The following KIAA1671 variants were observed in gnomAD, a reference collection of about 807,000 sequenced individuals.
KIAA1671 encodes the protein KIAA1671.
Under a neutral mutation model 131.2 loss-of-function variants are expected in KIAA1671, and 52 were observed. The ratio of observed to expected loss-of-function variants is 0.40; its 90% CI spans 0.32 to 0.50. KIAA1671 has a LOEUF of 0.50. Ranked by LOEUF, KIAA1671 falls within the 20% of genes least tolerant of loss-of-function variation. The pLI is 0.73. For missense variants in KIAA1671, 2,360 were observed against 2,364.2 expected, an observed-to-expected ratio of 1.00 and a Z score of 0.04; for synonymous variants, 1,003 against 961.6, an observed-to-expected ratio of 1.04 and a Z score of -0.80.
At chr22:24,992,422 T>C (rs1413268891) in intron 1 of KIAA1671, among the ~76,000 whole-genome samples, 2 of 152,208 alleles carry the variant, frequency 1.3e-5, no homozygotes, top group Admixed American at 6.6e-5. Flanking sequence ...TTTCTTCCCC[T>C]GCCTGACTGA....
intron 11 of KIAA1671, among the ~76,000 whole-genome samples, chr22:25,187,016 C>T (rs538629193): frequency 6.6e-6 from 1 of 152,188 alleles, no homozygotes; most frequent in African/African-American, 2.4e-5. Flanking sequence ...CCCTAGACCC[C>T]CATCTGCCCA....
chr22:25,083,219 CTT>C (rs1266225601), intron 6 of KIAA1671, among the ~76,000 whole-genome samples: 1 of 152,190 alleles, frequency 6.6e-6, no homozygotes, highest in African/African-American at 2.4e-5. Flanking sequence ...CAGATAACCA[CTT>C]TCTCTCTGTG....
intron 9 of KIAA1671, chr22:25,179,504 C>T (rs1364004662): frequency 6.2e-7 from 1 of 1,610,868 alleles, no homozygotes; most frequent in Non-Finnish European, 8.5e-7. Flanking sequence ...CAGCACCTCC[C>T]GCTCGTGCTC....
Position 25,056,589 on chromosome 22 carries a change from C to A in KIAA1671, c.4530+7225C>A, listed in dbSNP as rs377473590. 114 of 148,480 alleles carry A rather than the reference C, an allele frequency of 7.7e-4. 6 individuals carry two copies. Among genetic ancestry groups the A allele is most frequent in the Admixed American group, 2.3e-3 (34 of 14,922 alleles). 9.2% of individuals were successfully genotyped at this position (148,480 alleles called of 1,614,324 possible). A position where few individuals can be genotyped will look rare whatever the true frequency, so the allele number is the denominator to read the frequency against. ...ATCCCAGCACTTTGGGAGACCGAGG[C>A]GGGGTGGATCATGAGGTCAGGAGAT... On this transcript the variant is annotated intron_variant, in intron 6 of 12. Transcript: ENST00000358431.
rs969634015 is a variant in KIAA1671 at position 25,029,112 on chromosome 22, G to A, written c.1113G>A (p.Val371=). 888 of 1,470,314 alleles carry A rather than the reference G, an allele frequency of 6.0e-4. 1 individual carries two copies. In the Middle Eastern group the frequency reaches 0.011, roughly 17 times the overall value. 91.1% of individuals were successfully genotyped at this position (1,470,314 alleles called of 1,614,324 possible). ...AGATGGGCAGCCCCAGAGCCCTGGT[G>A]GGGGGCTCATCTGGGGTCACCCCCA... is the stretch of plus-strand genomic sequence containing the variant. ...KPEMGSPRAL[V]GGSSGVTPSN... The change falls in exon 3 of 13, where the codon GTG becomes GTA. Residue 371 remains valine (V), a synonymous_variant. Transcript: ENST00000358431.
Position 25,032,707 on chromosome 22 carries a change from G to A in KIAA1671, c.1629+11G>A. On this transcript the variant is annotated intron_variant, in intron 4 of 12. Coordinates refer to ENST00000358431, the MANE Select transcript of KIAA1671 (RefSeq NM_001145206.2). ...GAACCGAGAGAAAAGGTAAGGAGTG[G>A]CTGTGTAGCACGTCTCTCATTAACC... 6.6e-7 allele frequency: 1 copy of A among 1,521,744 alleles called. No homozygotes were observed. Among genetic ancestry groups the A allele is most frequent in the Non-Finnish European group, 8.9e-7 (1 of 1,121,968 alleles). 94.3% of individuals were successfully genotyped at this position (1,521,744 alleles called of 1,614,324 possible). A position where few individuals can be genotyped will look rare whatever the true frequency, so the allele number is the denominator to read the frequency against.
At chr22:25,111,727 A>G (rs1931359763) in intron 6 of KIAA1671, 2 of 152,334 alleles carry the variant, frequency 1.3e-5, no homozygotes, top group Admixed American at 1.3e-4. Context: ...ACCTGAAGGG[A>G]AGTGAGGACG....
intron 1 of KIAA1671, among the ~76,000 whole-genome samples, chr22:25,001,510 G>C (rs758116156): frequency 6.6e-6 from 1 of 152,276 alleles, no homozygotes; most frequent in South Asian, 2.1e-4. Flanking sequence ...CCAGGCCAAG[G>C]GGGAGGCTGA....
At chr22:25,049,167 A>G (rs1466470387) in intron 5 of KIAA1671, 63 bp from the exon 6 acceptor site, 21 of 1,519,702 alleles carry the variant, frequency 1.4e-5, no homozygotes, top group African/African-American at 5.6e-5. Flanking sequence ...TTGGCATAAT[A>G]TATTTTTTCC....
chr22:25,137,988 G>A (rs370076033), intron 6 of KIAA1671, among the ~76,000 whole-genome samples: 33 of 152,326 alleles, frequency 2.2e-4, no homozygotes, highest in South Asian at 2.1e-3. Flanking sequence ...TGGCTGTCCT[G>A]CAGTAGATTC....
At chr22:24,988,356 T>C (rs1602047426) in intron 1 of KIAA1671, among the ~76,000 whole-genome samples, 2 of 151,970 alleles carry the variant, frequency 1.3e-5, no homozygotes, top group East Asian at 3.9e-4. Context: ...TTAGGGTATC[T>C]CTATTCTGAC....
At chr22:24,965,735 C>T (rs903720328) in intron 1 of KIAA1671, among the ~76,000 whole-genome samples, 4 of 100,738 alleles carry the variant, frequency 4.0e-5, no homozygotes, top group Non-Finnish European at 5.7e-5. Context: ...AGTGAAACTC[C>T]ATCTCAAAAA....
chr22:24,975,994 A>G (rs1163086353), intron 1 of KIAA1671, among the ~76,000 whole-genome samples: 1 of 152,212 alleles, frequency 6.6e-6, no homozygotes, highest in African/African-American at 2.4e-5. Flanking sequence ...CCGTGTGGCT[A>G]CTGTATGCCT....
chr22:25,133,279 C>T (rs1472995849), intron 6 of KIAA1671, among the ~76,000 whole-genome samples: 2 of 152,126 alleles, frequency 1.3e-5, no homozygotes, highest in African/African-American at 4.8e-5. Flanking sequence ...CTACACTGAA[C>T]GTACACACCA....
At chr22:25,083,038 T>C (rs1929497494) in intron 6 of KIAA1671, among the ~76,000 whole-genome samples, 1 of 152,224 alleles carries the variant, frequency 6.6e-6, no homozygotes. Flanking sequence ...TTTATTTTGC[T>C]CCTCCTATGT....
intron 6 of KIAA1671, among the ~76,000 whole-genome samples, chr22:25,074,514 A>AAAAAAAAAAG (rs59411918): frequency 4.0e-4 from 47 of 117,460 alleles, no homozygotes; most frequent in African/African-American, 8.8e-4. Flanking sequence ...AAAAAAAAAA[A>AAAAAAAAAAG]AAAGAAAGAA....
At chr22:25,185,188 G>A (rs1339412145) in intron 11 of KIAA1671, 69 bp downstream of exon 11, 12 of 1,432,164 alleles carry the variant, frequency 8.4e-6, no homozygotes, top group East Asian at 2.5e-5. Context: ...AGAGGTGCTC[G>A]CATAGGTTTT....
chr22:25,109,675 G>A (rs1202333311), intron 6 of KIAA1671, among the ~76,000 whole-genome samples: 1 of 152,220 alleles, frequency 6.6e-6, no homozygotes, highest in Non-Finnish European at 1.5e-5. Flanking sequence ...TGAATGCTTA[G>A]AAATGGTGTT....
intron 3 of KIAA1671, among the ~76,000 whole-genome samples, chr22:25,029,839 C>G (rs1273579349): frequency 6.6e-6 from 1 of 152,166 alleles, no homozygotes; most frequent in African/African-American, 2.4e-5. Context: ...GGAGGCAGGG[C>G]AGAAGGGTGA....
Sources: gnomAD v4.1 joint callset for allele counts (sites outside exome capture counted in the v4.1 genomes callset) on GRCh38, gnomAD v4.1.1 for gene constraint, MANE v1.5 for transcripts, NCBI Gene and HGNC (gene_info 2026-07-23, HGNC 2026-07-21) for gene names.